Variants in STAG1 observed in about 807,000 individuals in gnomAD.
STAG1 encodes cohesin subunit SA-1.
Under a neutral mutation model 170.9 loss-of-function variants are expected in STAG1, and 26 were observed. That is an observed-to-expected ratio of 0.15 (90% CI 0.11 to 0.21). The LOEUF is 0.21. STAG1 is among the 10% of genes least tolerant of loss of function. The pLI is 1.00. For missense variants in STAG1, 964 were observed against 1,509.5 expected (o/e 0.64, Z 5.99); for synonymous variants, 514 against 497.7 (o/e 1.03, Z -0.44).
At chr3:136,519,228 A>G (rs1934538615) in intron 7 of STAG1, among the ~76,000 whole-genome samples, 1 of 152,114 alleles carries the variant, frequency 6.6e-6, no homozygotes, top group Non-Finnish European at 1.5e-5. Flanking sequence ...TTATGTTCTT[A>G]GAGTAAATGG....
At chr3:136,365,222 T>C (rs551956170) in intron 25 of STAG1, among the ~76,000 whole-genome samples, 5 of 152,210 alleles carry the variant, frequency 3.3e-5, no homozygotes, top group African/African-American at 4.8e-5. Context: ...TTTCATGCCC[T>C]TTATTTCCTG....
intron 16 of STAG1, among the ~76,000 whole-genome samples, chr3:136,429,798 A>G (rs1457052481): frequency 6.6e-6 from 1 of 152,158 alleles, no homozygotes; most frequent in Non-Finnish European, 1.5e-5. Context: ...TCCCCAGTGT[A>G]CTCAATGTCA....
At position 136,729,456 on chromosome 3, in the gene STAG1, T is replaced by C. The variant is rs115378442; in HGVS notation, c.-84+22739A>G. Among the ~76,000 whole-genome samples, 1,120 of 152,292 alleles carry C rather than the reference T, an allele frequency of 7.4e-3. 14 individuals carry two copies. Among genetic ancestry groups the C allele is most frequent in the African/African-American group, 0.024 (1,003 of 41,558 alleles). ...CAATATATTAAAGCAACTTAAAATA[T>C]TGTAATATGATTCTTTAACACAGTA... On this transcript the variant is annotated intron_variant, in intron 1 of 33. Coordinates refer to ENST00000383202, the MANE Select transcript of STAG1 (RefSeq NM_005862.3).
intron 6 of STAG1, among the ~76,000 whole-genome samples, chr3:136,539,112 C>T (rs886492463): frequency 6.7e-6 from 1 of 149,694 alleles, no homozygotes; most frequent in Admixed American, 6.7e-5. Context: ...CTAGCCTGGG[C>T]GACAGAGCCA....
chr3:136,560,389 A>G (rs1936794360), intron 5 of STAG1, among the ~76,000 whole-genome samples: 1 of 152,220 alleles, frequency 6.6e-6, no homozygotes, highest in South Asian at 2.1e-4. Flanking sequence ...GTGTATCAAC[A>G]AGGTATACTT....
At chr3:136,572,726 T>G (rs898085626) in intron 4 of STAG1, among the ~76,000 whole-genome samples, 4 of 152,004 alleles carry the variant, frequency 2.6e-5, no homozygotes, top group Non-Finnish European at 4.4e-5. Flanking sequence ...TATATATAAC[T>G]TCCACTATGA....
intron 25 of STAG1, among the ~76,000 whole-genome samples, chr3:136,364,053 C>G (rs188000813): frequency 6.6e-6 from 1 of 151,724 alleles, no homozygotes; most frequent in Non-Finnish European, 1.5e-5. Flanking sequence ...AGCCACTGCA[C>G]CTGGCCTTCT....
At chr3:136,619,737 A>G (rs1371846988) in intron 3 of STAG1, among the ~76,000 whole-genome samples, 1 of 135,382 alleles carries the variant, frequency 7.4e-6, no homozygotes, top group Non-Finnish European at 1.5e-5. Context: ...AGATTACGCA[A>G]CAGCGCGAGA....
Position 136,415,508 on chromosome 3 carries a change from G to A in STAG1, c.2196+2377C>T, listed in dbSNP as rs1340675628. Among the ~76,000 whole-genome samples the A allele has an allele frequency of 2.0e-5, 3 of 152,106 alleles. No homozygotes were observed. In the East Asian group the frequency reaches 5.8e-4, roughly 29 times the overall value. On this transcript the variant is annotated intron_variant, in intron 21 of 33. Coordinates refer to ENST00000383202, the MANE Select transcript of STAG1 (RefSeq NM_005862.3). ...GAATTCTTATTGTAAGTACACAGTT[G>A]GAACCTTAAAAAGTGAGCTTGCATG...
intron 27 of STAG1, among the ~76,000 whole-genome samples, chr3:136,358,770 T>C (rs1486330758): frequency 6.6e-6 from 1 of 151,690 alleles, no homozygotes; most frequent in African/African-American, 2.4e-5. Context: ...GACAGGGTCT[T>C]ACTGCATTGC....
chr3:136,411,977 G>A (rs1310639870), intron 21 of STAG1, among the ~76,000 whole-genome samples: 3 of 152,024 alleles, frequency 2.0e-5, no homozygotes, highest in Admixed American at 6.6e-5. Context: ...AGTAGAGAGA[G>A]CATTTTGCCA....
intron 28 of STAG1, among the ~76,000 whole-genome samples, chr3:136,350,566 G>A (rs56057807): frequency 0.074 from 11,319 of 152,120 alleles, 448 homozygotes; most frequent in Non-Finnish European, 0.093. Context: ...GAGAACCAGG[G>A]GTTACCTACT....
chr3:136,709,286 T>C (rs1466351254), intron 1 of STAG1, among the ~76,000 whole-genome samples: 1 of 138,640 alleles, frequency 7.2e-6, no homozygotes. Flanking sequence ...CGAGACTCTG[T>C]CTCAAAAAAA....
chr3:136,740,069 C>T (rs964443830), intron 1 of STAG1, among the ~76,000 whole-genome samples: 1 of 151,966 alleles, frequency 6.6e-6, no homozygotes, highest in African/African-American at 2.4e-5. Context: ...TTATACAGTA[C>T]ATTATGTAAA....
intron 6 of STAG1, among the ~76,000 whole-genome samples, chr3:136,525,182 C>G (rs1360592337): frequency 6.6e-6 from 1 of 152,324 alleles, no homozygotes; most frequent in East Asian, 1.9e-4. Context: ...ACCAGCTCCT[C>G]TTTGTACCTC....
intron 1 of STAG1, among the ~76,000 whole-genome samples, chr3:136,737,840 C>T (rs1337874254): frequency 6.6e-6 from 1 of 152,002 alleles, no homozygotes; most frequent in Admixed American, 6.6e-5. Flanking sequence ...GAGGCCGAGG[C>T]GGGCGGATCT....
At chr3:136,709,712 G>A (rs1943332455) in intron 1 of STAG1, among the ~76,000 whole-genome samples, 2 of 150,618 alleles carry the variant, frequency 1.3e-5, no homozygotes, top group South Asian at 4.3e-4. Context: ...TCCAGCCTGG[G>A]CAACAGAACA....
chr3:136,628,011 G>A (rs1451351458), intron 2 of STAG1, among the ~76,000 whole-genome samples: 1 of 152,078 alleles, frequency 6.6e-6, no homozygotes, highest in Non-Finnish European at 1.5e-5. Context: ...ATGCTGATAC[G>A]GTTTGGCTCT....
intron 5 of STAG1, among the ~76,000 whole-genome samples, chr3:136,550,309 G>C (rs1340200115): frequency 6.7e-5 from 10 of 149,854 alleles, no homozygotes; most frequent in African/African-American, 2.5e-4. Flanking sequence ...GGTCTGTTCA[G>C]CCTTTTTTTT....
Sources: gnomAD v4.1 joint callset for allele counts (sites outside exome capture counted in the v4.1 genomes callset) on GRCh38, gnomAD v4.1.1 for gene constraint, MANE v1.5 for transcripts, NCBI Gene and HGNC (gene_info 2026-07-23, HGNC 2026-07-21) for gene names.